C1orf21: variants seen among roughly 807,000 people sequenced by gnomAD.
C1orf21 encodes uncharacterized protein C1orf21.
C1orf21 carries 3 observed loss-of-function variants against 18.7 expected under a neutral mutation model. The observed-to-expected ratio is 0.16, with a 90% CI of 0.07 to 0.42. The LOEUF (loss-of-function observed/expected upper bound fraction) is 0.42. Ranked by LOEUF, C1orf21 falls within the 10% of genes least tolerant of loss-of-function variation. The probability of loss-of-function intolerance (pLI) is 0.99; values close to 1 mark genes in which losing one functional copy is unlikely to be tolerated. For missense variants in C1orf21, 104 were observed against 143.6 expected (o/e 0.72, Z 1.41); for synonymous variants, 41 against 46.4 (o/e 0.88, Z 0.47).
At chr1:184,505,320 TA>T (rs1557989027) in intron 2 of C1orf21, among the ~76,000 whole-genome samples, 1 of 130,268 alleles carries the variant, frequency 7.7e-6, no homozygotes, top group African/African-American at 3.5e-5. Flanking sequence ...TATATATATA[TA>T]TATATATATA....
At chr1:184,577,826 G>A (rs920999009) in intron 3 of C1orf21, among the ~76,000 whole-genome samples, 20 of 151,110 alleles carry the variant, frequency 1.3e-4, no homozygotes, top group African/African-American at 4.9e-4. Context: ...ATAATATTTT[G>A]TTAACTTTTA....
At chr1:184,445,779 A>T (rs1185446560) in intron 1 of C1orf21, among the ~76,000 whole-genome samples, 1 of 152,196 alleles carries the variant, frequency 6.6e-6, no homozygotes, top group African/African-American at 2.4e-5. Flanking sequence ...GTAAAATGAA[A>T]GTTTTAGTTC....
rs538536803 is a variant in C1orf21 at position 184,420,823 on chromosome 1, A to T, written c.-125+33455A>T. Among the ~76,000 whole-genome samples the T allele has an allele frequency of 3.8e-4, 58 of 151,326 alleles. No homozygotes were observed. The East Asian group carries it at 0.01, about 27-fold the overall frequency. The stretch of plus-strand genomic sequence containing the variant: ...TTTAAGCCCATGAGTTTTTTTTTTT[A>T]AATAAGAAAACCTGTAATATATAAC... On this transcript the variant is annotated intron_variant, in intron 1 of 5. Transcript: ENST00000235307.
At chr1:184,526,561 T>G (rs185287147) in intron 3 of C1orf21, among the ~76,000 whole-genome samples, 2 of 152,332 alleles carry the variant, frequency 1.3e-5, no homozygotes, top group Admixed American at 6.5e-5. Context: ...AGTCATGTTT[T>G]GGCTATTGTT....
chr1:184,535,319 A>G (rs1386402144), intron 3 of C1orf21, among the ~76,000 whole-genome samples: 1 of 152,206 alleles, frequency 6.6e-6, no homozygotes. Context: ...GTGACTTAGT[A>G]TCAGCTCTCT....
intron 4 of C1orf21, among the ~76,000 whole-genome samples, chr1:184,594,473 A>G (rs77817073): frequency 0.062 from 9,455 of 152,276 alleles, 419 homozygotes; most frequent in African/African-American, 0.11. Flanking sequence ...AAACCCACAT[A>G]TTTGTATACT....
chr1:184,607,621 G>T (rs966905077), intron 5 of C1orf21, among the ~76,000 whole-genome samples: 2 of 150,582 alleles, frequency 1.3e-5, no homozygotes, highest in South Asian at 4.2e-4. Context: ...ATACACATGT[G>T]TATATACACA....
At chr1:184,395,038 T>A (rs963769164) in intron 1 of C1orf21, among the ~76,000 whole-genome samples, 1 of 152,154 alleles carries the variant, frequency 6.6e-6, no homozygotes, top group Non-Finnish European at 1.5e-5. Context: ...TCTCTTGAGA[T>A]CCAAGATATT....
chr1:184,497,713 A>G (rs1042553478), intron 2 of C1orf21, among the ~76,000 whole-genome samples: 2 of 152,142 alleles, frequency 1.3e-5, no homozygotes, highest in African/African-American at 4.8e-5. Context: ...GTTTCTTCCT[A>G]TTTCGTTAAT....
At chr1:184,556,975 T>A (rs1658887922) in intron 3 of C1orf21, among the ~76,000 whole-genome samples, 1 of 152,226 alleles carries the variant, frequency 6.6e-6, no homozygotes, top group Non-Finnish European at 1.5e-5. Flanking sequence ...ATGGCTGGTA[T>A]TTTTTTATAT....
intron 2 of C1orf21, among the ~76,000 whole-genome samples, chr1:184,479,487 A>G (rs932830429): frequency 6.6e-6 from 1 of 152,172 alleles, no homozygotes; most frequent in African/African-American, 2.4e-5. Context: ...TGGAAACTGA[A>G]CACAGAGAGA....
intron 1 of C1orf21, among the ~76,000 whole-genome samples, chr1:184,443,820 A>G (rs1156595809): frequency 6.6e-6 from 1 of 152,122 alleles, no homozygotes; most frequent in African/African-American, 2.4e-5. Context: ...GGCACTGGAT[A>G]CCAAGCATAT....
At chr1:184,393,560 A>G (rs781140096) in intron 1 of C1orf21, among the ~76,000 whole-genome samples, 8 of 152,190 alleles carry the variant, frequency 5.3e-5, no homozygotes, top group Non-Finnish European at 1.2e-4. Flanking sequence ...TGATTCTAGT[A>G]TGTTATATTG....
chr1:184,545,553 C>T (rs1658716562), intron 3 of C1orf21, among the ~76,000 whole-genome samples: 1 of 151,998 alleles, frequency 6.6e-6, no homozygotes, highest in Non-Finnish European at 1.5e-5. Context: ...CCCTGCCTGT[C>T]TTCAGGGAAC....
intron 2 of C1orf21, among the ~76,000 whole-genome samples, chr1:184,491,459 C>T (rs1657815531): frequency 1.3e-5 from 2 of 152,074 alleles, no homozygotes; most frequent in African/African-American, 4.8e-5. Flanking sequence ...AGGTGATTCT[C>T]CCACCTTAGC....
intron 3 of C1orf21, among the ~76,000 whole-genome samples, chr1:184,539,060 A>G (rs964497549): frequency 1.3e-5 from 2 of 152,210 alleles, no homozygotes; most frequent in African/African-American, 2.4e-5. Flanking sequence ...GAAAATGGGC[A>G]TCCTTCCCTT....
rs1571282882 is a variant in C1orf21, at chr1:184,571,857, A to G, written c.190-18882A>G. Among the ~76,000 whole-genome samples the G allele has an allele frequency of 2.0e-5, 3 of 152,298 alleles. No individual in the cohort carries two copies. In the South Asian group the frequency reaches 6.2e-4, roughly 32 times the overall value. On this transcript the variant is annotated intron_variant, in intron 3 of 5. Transcript: ENST00000235307. ...AAAAAGATGGACATGCAGAGTTTCT[A>G]TCCCCTCTTGACCAGTAACTCTATG...
intron 1 of C1orf21, among the ~76,000 whole-genome samples, chr1:184,470,701 A>C (rs1657481939): frequency 6.6e-6 from 1 of 152,170 alleles, no homozygotes; most frequent in African/African-American, 2.4e-5. Flanking sequence ...CAACGTGGCG[A>C]AATCCCATCT....
intron 2 of C1orf21, among the ~76,000 whole-genome samples, chr1:184,485,334 A>C (rs1175556615): frequency 6.6e-6 from 1 of 152,212 alleles, no homozygotes; most frequent in African/African-American, 2.4e-5. Flanking sequence ...ATGTTAAATG[A>C]TATATTTTAG....
Sources: allele counts gnomAD v4.1 joint callset (sites outside exome capture counted in the v4.1 genomes callset), GRCh38; gene constraint gnomAD v4.1.1; transcripts MANE v1.5; gene names NCBI Gene and HGNC (gene_info 2026-07-23, HGNC 2026-07-21).